PHF3: variants seen among roughly 807,000 people sequenced by gnomAD.
PHF3 encodes PHD finger protein 3.
PHF3 carries 41 observed loss-of-function variants against 178.4 expected under a neutral mutation model. That is an observed-to-expected ratio of 0.23 (90% CI 0.18 to 0.30). The LOEUF is 0.30. Ranked by LOEUF, PHF3 falls within the 10% of genes least tolerant of loss-of-function variation. PHF3 has a pLI of 1.00. For synonymous variants in PHF3, 842 were observed against 800.5 expected (o/e 1.05, Z -0.88); for missense variants, 2,346 against 2,398.1 (o/e 0.98, Z 0.45).
rs1191058592 is a variant in PHF3 at position 63,725,492 on chromosome 6, CTT to C, written c.*11785_*11786del. Among the ~76,000 whole-genome samples, 8 of 152,004 alleles carry C rather than the reference CTT, an allele frequency of 5.3e-5. No individual in the cohort carries two copies. The highest frequency in any genetic ancestry group is 1.4e-4 in the African/African-American group (6 of 41,404). On this transcript the variant is annotated 3_prime_UTR_variant, in exon 16 of 16. Coordinates refer to ENST00000262043, the MANE Select transcript of PHF3 (RefSeq NM_001370348.2). ...TGAAGCTGATTGTCTTTTAATGTCT[CTT>C]GATTTATAAATAGAAAATTTATGTT...
At position 63,715,569 on chromosome 6, in the gene PHF3, A is replaced by G. The variant is rs1235882158; in HGVS notation, c.*1861A>G. 3 of 152,096 alleles carry G rather than the reference A, an allele frequency of 2.0e-5. No homozygotes were observed. The highest frequency in any genetic ancestry group is 2.9e-5 in the Non-Finnish European group (2 of 67,994). 9.4% of individuals were successfully genotyped at this position (152,096 alleles called of 1,614,324 possible). On this transcript the variant is annotated 3_prime_UTR_variant, in exon 16 of 16. Transcript: ENST00000262043. ...GGTTAATGAATGAAAACAAGCTTTT[A>G]GGTCAGTTTTTGATCACCTCTTCGC... is the stretch of plus-strand genomic sequence containing the variant.
Position 63,638,499 on chromosome 6 carries a change from T to C in PHF3, c.-26+2349T>C, listed in dbSNP as rs549434509. ...TAAAATCCTTTTTACATATGTTTTT[T>C]CTGGAGATAATAACTTTTCTGTTTT... On this transcript the variant is annotated intron_variant, in intron 1 of 15. Transcript: ENST00000262043. 3.3e-5 allele frequency among the ~76,000 whole-genome samples: 5 copies of C among 152,296 alleles called. No homozygotes were observed. In the South Asian group the frequency reaches 1.0e-3, roughly 32 times the overall value.
Position 63,685,537 on chromosome 6 carries a change from T to C in PHF3, c.1815T>C (p.Gly605=). 6.2e-7 allele frequency: 1 copy of C among 1,614,120 alleles called. No homozygotes were observed. The change falls in exon 4 of 16, where the codon GGT becomes GGC. Residue 605 remains glycine (G), a synonymous_variant. Coordinates refer to ENST00000262043, the MANE Select transcript of PHF3 (RefSeq NM_001370348.2). ...GTGATAAGTCACACGCTCATCCTGGTTGCTTGAAAGAACCTCATCATCCTG... is the reference window on the plus strand; with the variant it reads ...GTGATAAGTCACACGCTCATCCTGGCTGCTTGAAAGAACCTCATCATCCTG... ...SLSDKSHAHP[G]CLKEPHHPAQ...
intron 9 of PHF3, 41 bp downstream of exon 9, chr6:63,700,507 A>G (rs530189482): frequency 2.9e-5 from 32 of 1,102,898 alleles, no homozygotes; most frequent in South Asian, 6.6e-5. Context: ...ATCAAAATCT[A>G]TGTTTTTCAG....
At chr6:63,702,902 G>C (rs1350990359) in intron 10 of PHF3, among the ~76,000 whole-genome samples, 2 of 152,130 alleles carry the variant, frequency 1.3e-5, no homozygotes, top group Admixed American at 6.5e-5. Context: ...TGGTGGGATA[G>C]AGTCTTGCTT....
chr6:63,664,297 G>A (rs1460998216), intron 2 of PHF3, among the ~76,000 whole-genome samples: 1 of 152,150 alleles, frequency 6.6e-6, no homozygotes, highest in Non-Finnish European at 1.5e-5. Context: ...AGTGGAACTT[G>A]GGAATCAGAT....
rs1582144233 is a variant in PHF3 at position 63,724,982 on chromosome 6, A to G, written c.*11274A>G. Among the ~76,000 whole-genome samples the G allele has an allele frequency of 2.0e-5, 3 of 152,276 alleles. No individual in the cohort carries two copies. Among genetic ancestry groups the G allele is most frequent in the Admixed American group, 1.3e-4 (2 of 15,294 alleles). ...CAGGACTGTCAGCTGCATTTTCTGCAACCTTAAATAAATGAGAGACTTCAA... is the reference window on the plus strand; with the variant it reads ...CAGGACTGTCAGCTGCATTTTCTGCGACCTTAAATAAATGAGAGACTTCAA... On this transcript the variant is annotated 3_prime_UTR_variant, in exon 16 of 16. Coordinates refer to ENST00000262043, the MANE Select transcript of PHF3 (RefSeq NM_001370348.2).
chr6:63,679,301 G>A (rs1766321432), intron 2 of PHF3, among the ~76,000 whole-genome samples: 1 of 151,988 alleles, frequency 6.6e-6, no homozygotes, highest in South Asian at 2.1e-4. Flanking sequence ...CTGTTCCTGA[G>A]TCTTTTTACA....
At chr6:63,694,282 TATAG>T in intron 5 of PHF3, among the ~76,000 whole-genome samples, 1 of 152,330 alleles carries the variant, frequency 6.6e-6, no homozygotes, top group South Asian at 2.1e-4. Context: ...TGTTTTAGAA[TATAG>T]ATACTTGTTT....
intron 2 of PHF3, among the ~76,000 whole-genome samples, chr6:63,678,238 A>C (rs559650901): frequency 2.6e-5 from 4 of 151,956 alleles, no homozygotes; most frequent in African/African-American, 9.7e-5. Flanking sequence ...AAAAGAAAAA[A>C]AAACAAAAAA....
rs964656317 is a variant in PHF3, at chr6:63,718,932, A to G, written c.*5224A>G. Among the ~76,000 whole-genome samples, 2 of 152,004 alleles carry G rather than the reference A, an allele frequency of 1.3e-5. No individual in the cohort carries two copies. The highest frequency in any genetic ancestry group is 1.9e-4 in the East Asian group (1 of 5,190). On this transcript the variant is annotated 3_prime_UTR_variant, in exon 16 of 16. Coordinates refer to ENST00000262043, the MANE Select transcript of PHF3 (RefSeq NM_001370348.2). Reference sequence around the variant, plus strand: ...GAGCATTTATCCTTATGATCTGAGTATCTCCAAAGTTAAATGCAATAGTAT... The same window carrying G: ...GAGCATTTATCCTTATGATCTGAGTGTCTCCAAAGTTAAATGCAATAGTAT...
rs1178504567 is a variant in PHF3 at position 63,713,283 on chromosome 6, G to C, written c.5695G>C (p.Asp1899His). The C allele has an allele frequency of 1.2e-6, 2 of 1,613,886 alleles. No individual in the cohort carries two copies. Among genetic ancestry groups the C allele is most frequent in the Admixed American group, 3.3e-5 (2 of 59,960 alleles). Reference sequence around the variant, plus strand: ...TCGGAGGCCAGAAAGGCGCCATAGTGACCCTTGGGGTAGGCAAGACCAACA... The same window carrying C: ...TCGGAGGCCAGAAAGGCGCCATAGTCACCCTTGGGGTAGGCAAGACCAACA... ...DIRRPERRHSDPWGRQDQQQL... is the reference protein window; with the variant it reads ...DIRRPERRHSHPWGRQDQQQL... The change falls in exon 16 of 16, where the codon GAC becomes CAC. Residue 1899 changes from aspartate to histidine, a missense_variant. By Grantham distance (81) the Asp-to-His change is moderately conservative (BLOSUM62 -1). Coordinates refer to ENST00000262043, the MANE Select transcript of PHF3 (RefSeq NM_001370348.2).
chr6:63,685,225 G>C lies in PHF3; in HGVS notation c.1503G>C (p.Met501Ile). Residue 501 changes from methionine to isoleucine, a missense_variant, in exon 4 of 16, where the codon ATG becomes ATC. This residue lies in a region of PHF3 where 843 missense variants were observed against 795.2 expected (regional missense o/e 1.06). Transcript: ENST00000262043. The stretch of plus-strand genomic sequence containing the variant: ...CTGTAATTCATTCTAAGCAAAACAT[G>C]ACCACAGATGCTCCGAAGAAAATTG... ...TKPVIHSKQNMTTDAPKKIVA... is the reference protein window; with the variant it reads ...TKPVIHSKQNITTDAPKKIVA... 6.2e-7 allele frequency: 1 copy of C among 1,613,800 alleles called. No homozygotes were observed. The highest frequency in any genetic ancestry group is 8.5e-7 in the Non-Finnish European group (1 of 1,179,956).
At chr6:63,707,231 T>C (rs566178482) in intron 13 of PHF3, among the ~76,000 whole-genome samples, 2 of 152,206 alleles carry the variant, frequency 1.3e-5, no homozygotes, top group Admixed American at 6.5e-5. Flanking sequence ...ACATTAAGAA[T>C]TTTTTGTTAA....
In PHF3 at chr6:63,712,386, G is replaced by T. The variant is rs190759507; in HGVS notation, c.4798G>T (p.Asp1600Tyr). 6.2e-7 allele frequency: 1 copy of T among 1,613,862 alleles called. No individual in the cohort carries two copies. The highest frequency in any genetic ancestry group is 8.5e-7 in the Non-Finnish European group (1 of 1,179,910). Residue 1600 changes from aspartate to tyrosine, a missense_variant, in exon 16 of 16, where the codon GAT becomes TAT. Coordinates refer to ENST00000262043, the MANE Select transcript of PHF3 (RefSeq NM_001370348.2). The stretch of plus-strand genomic sequence containing the variant: ...AACATTAAAAAGACAGCTTCAGGAA[G>T]ATCAAGAGAATAATTTGCAAGATAA... ...EKTLKRQLQE[D>Y]QENNLQDNQT...
chr6:63,708,922 T>G (rs1767806002), intron 13 of PHF3, among the ~76,000 whole-genome samples: 1 of 152,210 alleles, frequency 6.6e-6, no homozygotes, highest in African/African-American at 2.4e-5. Context: ...GAACTCAGAC[T>G]CTTTCTTAGT....
At chr6:63,647,722 T>C (rs1764850060) in intron 2 of PHF3, among the ~76,000 whole-genome samples, 1 of 152,210 alleles carries the variant, frequency 6.6e-6, no homozygotes, top group African/African-American at 2.4e-5. Context: ...TGTTAATGTA[T>C]AAAAAACAGT....
At position 63,725,129 on chromosome 6, in the gene PHF3, A is replaced by G. The variant is rs1371345075; in HGVS notation, c.*11421A>G. Among the ~76,000 whole-genome samples, 1 of 152,122 alleles carries G rather than the reference A, an allele frequency of 6.6e-6. No individual in the cohort carries two copies. The highest frequency in any genetic ancestry group is 1.5e-5 in the Non-Finnish European group (1 of 67,960). ...ATATTTTTAATATTTAAAAATTTTC[A>G]TGATTTTCTTATATAAGTGTCAAAT... On this transcript the variant is annotated 3_prime_UTR_variant, in exon 16 of 16. Transcript: ENST00000262043.
chr6:63,724,150 C>T lies in PHF3; in HGVS notation c.*10442C>T, dbSNP rs1237861386. 6.6e-6 allele frequency among the ~76,000 whole-genome samples: 1 copy of T among 152,128 alleles called. No individual in the cohort carries two copies. Among genetic ancestry groups the T allele is most frequent in the African/African-American group, 2.4e-5 (1 of 41,434 alleles). ...AAGAAAATGTAATGAACAGTCCTTACAAGAAACAGAGCTCAAATAGGATAA... is the reference window on the plus strand; with the variant it reads ...AAGAAAATGTAATGAACAGTCCTTATAAGAAACAGAGCTCAAATAGGATAA... On this transcript the variant is annotated 3_prime_UTR_variant, in exon 16 of 16. Coordinates refer to ENST00000262043, the MANE Select transcript of PHF3 (RefSeq NM_001370348.2).
Sources: gnomAD v4.1 joint callset for allele counts (sites outside exome capture counted in the v4.1 genomes callset) on GRCh38, gnomAD v4.1.1 for gene constraint, gnomAD v4.1.1 regional missense constraint, MANE v1.5 for transcripts, NCBI Gene and HGNC (gene_info 2026-07-23, HGNC 2026-07-21) for gene names.